ANK2: variants seen among roughly 807,000 people sequenced by gnomAD.
ANK2 encodes the protein ankyrin-2.
ANK2 carries 83 observed loss-of-function variants against 360.5 expected under a neutral mutation model. That is an observed-to-expected ratio of 0.23 (90% CI 0.19 to 0.28). The LOEUF (loss-of-function observed/expected upper bound fraction) is 0.28, where lower values mean the gene tolerates loss of function less well. Among genes scored for constraint, ANK2 ranks in the 10% least tolerant of loss-of-function variants. The pLI, the probability that ANK2 is intolerant of heterozygous loss-of-function variation, is 1.00. For synonymous variants in ANK2, 1,740 were observed against 1,759.5 expected, an observed-to-expected ratio of 0.99 and a Z score of 0.28; for missense variants, 4,201 against 4,795.7, an observed-to-expected ratio of 0.88 and a Z score of 3.66.
chr4:112,739,608 C>T, the ANK2 span, among the ~76,000 whole-genome samples: 1,138 of 152,172 alleles, frequency 7.5e-3, 19 homozygotes, highest in African/African-American at 0.026. Flanking sequence ...AGCAAGACTC[C>T]GTCTGGGAAA....
intron 4 of ANK2, among the ~76,000 whole-genome samples, chr4:113,199,478 G>T (rs2098798439): frequency 6.6e-6 from 1 of 152,056 alleles, no homozygotes; most frequent in Non-Finnish European, 1.5e-5. Context: ...ATACTTGAAA[G>T]ATTTACATTC....
At chr4:112,711,145 G>C in the ANK2 span, among the ~76,000 whole-genome samples, 2 of 150,398 alleles carry the variant, frequency 1.3e-5, no homozygotes, top group African/African-American at 4.9e-5. Context: ...CTTAAGAGTT[G>C]GGGTCACCAG....
chr4:113,241,978 A>G, intron 8 of ANK2, 133 bp from the exon 9 acceptor site: 1 of 731,896 alleles, frequency 1.4e-6, no homozygotes, highest in Non-Finnish European at 2.5e-6. Flanking sequence ...AAAATCAAAG[A>G]CATAGAAAGA....
intron 22 of ANK2, among the ~76,000 whole-genome samples, chr4:113,294,560 C>A (rs1166073783): frequency 6.6e-6 from 1 of 152,134 alleles, no homozygotes; most frequent in African/African-American, 2.4e-5. Context: ...GAATTTTGTT[C>A]TTCAGGCTGA....
chr4:113,230,390 CT>C (rs2099276620), intron 4 of ANK2, among the ~76,000 whole-genome samples: 1 of 151,966 alleles, frequency 6.6e-6, no homozygotes, highest in Non-Finnish European at 1.5e-5. Context: ...TGTTTTCTCC[CT>C]GTAGTCCCAG....
chr4:112,714,687 A>T, the ANK2 span, among the ~76,000 whole-genome samples: 16 of 152,244 alleles, frequency 1.1e-4, no homozygotes, highest in East Asian at 1.5e-3. Flanking sequence ...GCTTTAAAAA[A>T]ACAATTTCTA....
In ANK2 at chr4:113,096,798, T is replaced by C. The variant is rs116308881; in HGVS notation, c.84+46986T>C. 7.5e-3 allele frequency among the ~76,000 whole-genome samples: 1,134 copies of C among 152,004 alleles called. 21 individuals carry two copies. Among genetic ancestry groups the C allele is most frequent in the African/African-American group, 0.026 (1,061 of 41,440 alleles). On this transcript the variant is annotated intron_variant, in intron 1 of 45. Transcript: ENST00000357077. Reference sequence around the variant, plus strand: ...GCCTTCAATGCTGTATGTAGAAACATAGAAAAAAACCCAGTAAGTCGATTT... The same window carrying C: ...GCCTTCAATGCTGTATGTAGAAACACAGAAAAAAACCCAGTAAGTCGATTT...
At chr4:112,758,044 C>G in the ANK2 span, among the ~76,000 whole-genome samples, 2 of 151,474 alleles carry the variant, frequency 1.3e-5, no homozygotes, top group African/African-American at 4.9e-5. Flanking sequence ...GATGGGATTA[C>G]AGGCATGTGC....
chr4:113,097,371 C>T (rs12651689), intron 1 of ANK2, among the ~76,000 whole-genome samples: 124,401 of 151,872 alleles, frequency 0.82, 51,537 homozygotes, highest in African/African-American at 0.95. Flanking sequence ...AATTCCTTTT[C>T]TCTGAGTGAG....
intron 4 of ANK2, among the ~76,000 whole-genome samples, chr4:113,222,391 A>ATTTTTTTTTTTTTTTTTTTTTTTTTTTTT (rs397880062): frequency 8.2e-6 from 1 of 122,478 alleles, no homozygotes. Flanking sequence ...CTCTGAAACA[A>ATTTTTTTTTTTTTTTTTTTTTTTTTTTTT]TTTTTTTTTT....
intron 2 of ANK2, among the ~76,000 whole-genome samples, chr4:113,030,200 TA>T (rs993132130): frequency 1.3e-5 from 2 of 151,762 alleles, no homozygotes; most frequent in African/African-American, 4.8e-5. Context: ...TTTATATAAC[TA>T]AAAAAAACCA....
At chr4:113,337,748 G>A (rs1046467340) in intron 31 of ANK2, among the ~76,000 whole-genome samples, 6 of 152,074 alleles carry the variant, frequency 3.9e-5, no homozygotes, top group African/African-American at 9.7e-5. Context: ...TGAGTGGGGG[G>A]AAATCATATG....
At chr4:113,068,477 T>C (rs1303635091) in intron 1 of ANK2, among the ~76,000 whole-genome samples, 1 of 152,180 alleles carries the variant, frequency 6.6e-6, no homozygotes, top group African/African-American at 2.4e-5. Context: ...CTTTAAAACA[T>C]ATAATGAAAA....
At chr4:113,334,623 GATTA>G (rs1448130414) in intron 29 of ANK2, among the ~76,000 whole-genome samples, 2 of 123,182 alleles carry the variant, frequency 1.6e-5, no homozygotes, top group Non-Finnish European at 3.1e-5. Flanking sequence ...AAAGTTAATA[GATTA>G]ATTAATCTAT....
rs61741040 is a variant in ANK2 at position 113,358,072 on chromosome 4, A to G, written c.9454A>G (p.Thr3152Ala). 5.9e-4 allele frequency: 953 copies of G among 1,614,114 alleles called. 6 individuals carry two copies. In the African/African-American group the frequency reaches 0.011, roughly 18 times the overall value. Residue 3152 changes from threonine (T) to alanine (A), a missense_variant, in exon 38 of 46, where the codon ACT (threonine) becomes GCT (alanine). By Grantham distance (58) the Thr-to-Ala change is moderately conservative (BLOSUM62 0). Coordinates refer to ENST00000357077, the MANE Select transcript of ANK2 (RefSeq NM_001148.6). ...CTCTGAAGATGTGAAAGAAGGGGCT[A>G]CTGGGGCTGATCCCCTACCGCTGGA... is the stretch of plus-strand genomic sequence containing the variant. The part of the protein sequence containing the change: ...TLSEDVKEGA[T>A]GADPLPLETS...
chr4:112,829,970 A>AC (rs1158910874), intron 1 of ANK2, among the ~76,000 whole-genome samples: 1 of 150,980 alleles, frequency 6.6e-6, no homozygotes, highest in East Asian at 1.9e-4. Flanking sequence ...AAAAAATAAA[A>AC]ATAAAAAATA....
intron 4 of ANK2, among the ~76,000 whole-genome samples, chr4:113,227,555 A>C (rs1337182827): frequency 6.6e-6 from 1 of 152,190 alleles, no homozygotes; most frequent in Non-Finnish European, 1.5e-5. Context: ...TGGAGACTCC[A>C]ATTCAGTAGG....
rs973992723 is a variant in ANK2 at position 113,049,689 on chromosome 4, G to C, written c.-40G>C. ...CGCTAGTGGTCTGTACAGGCGGCAC[G>C]GTTTGATGGCAGAGATATTTTCTTT... On this transcript the variant is annotated 5_prime_UTR_variant, in exon 1 of 46. Transcript: ENST00000357077. 3 of 1,535,954 alleles carry C rather than the reference G, an allele frequency of 2.0e-6. No homozygotes were observed. Among genetic ancestry groups the C allele is most frequent in the Non-Finnish European group, 2.7e-6 (3 of 1,131,876 alleles).
chr4:112,905,114 G>C (rs1420908299), intron 2 of ANK2, among the ~76,000 whole-genome samples: 1 of 152,104 alleles, frequency 6.6e-6, no homozygotes, highest in Non-Finnish European at 1.5e-5. Flanking sequence ...GGGGAAATCT[G>C]CTTGTATTTT....
Sources: allele counts gnomAD v4.1 joint callset (sites outside exome capture counted in the v4.1 genomes callset), GRCh38; gene constraint gnomAD v4.1.1; transcripts MANE v1.5; gene names NCBI Gene and HGNC (gene_info 2026-07-23, HGNC 2026-07-21).